Variants in C16orf96 observed in about 807,000 individuals in gnomAD.
C16orf96 encodes chromosome 16 open reading frame 96.
Under a neutral mutation model 103.6 loss-of-function variants are expected in C16orf96, and 108 were observed. The ratio of observed to expected loss-of-function variants is 1.04; its 90% CI spans 0.89 to 1.22. The LOEUF is 1.22. Among genes scored for constraint, C16orf96 ranks in the 50% most tolerant of loss-of-function variants. The pLI is 0.00. For synonymous variants in C16orf96, 566 were observed against 593.5 expected, an observed-to-expected ratio of 0.95 and a Z score of 0.67; for missense variants, 1,586 against 1,464.2, an observed-to-expected ratio of 1.08 and a Z score of -1.36.
chr16:4,557,762 C>T (rs984460576), intron 1 of C16orf96, among the ~76,000 whole-genome samples: 4 of 152,100 alleles, frequency 2.6e-5, no homozygotes, highest in Non-Finnish European at 5.9e-5. Context: ...CTCGACCTCC[C>T]AGACTCAAGC....
At position 4,600,543 on chromosome 16, in the gene C16orf96, C is replaced by G; in HGVS notation, c.*226C>G. ...CACGTCCGAGGCTGAGACCCATATGCCCCCCCCACCCCCACCAAGTCCCGT... is the reference window on the plus strand; with the variant it reads ...CACGTCCGAGGCTGAGACCCATATGGCCCCCCCACCCCCACCAAGTCCCGT... On this transcript the variant is annotated 3_prime_UTR_variant, in exon 16 of 16. Transcript: ENST00000444310. 2 of 444,286 alleles carry G rather than the reference C, an allele frequency of 4.5e-6. No individual in the cohort carries two copies. Among genetic ancestry groups the G allele is most frequent in the Admixed American group, 3.8e-5 (1 of 26,572 alleles). 27.5% of individuals were successfully genotyped at this position (444,286 alleles called of 1,614,324 possible).
the C16orf96 span, among the ~76,000 whole-genome samples, chr16:4,546,653 A>G: frequency 5.9e-5 from 9 of 151,870 alleles, no homozygotes; most frequent in Admixed American, 5.9e-4. Context: ...TTTTGTAGAG[A>G]CAGGGTCTCA....
chr16:4,541,019 T>C, the C16orf96 span, among the ~76,000 whole-genome samples: 2 of 151,040 alleles, frequency 1.3e-5, no homozygotes, highest in East Asian at 4.1e-4. Flanking sequence ...GTTCAAGCAA[T>C]TCTCCTGCCT....
intron 9 of C16orf96, among the ~76,000 whole-genome samples, chr16:4,589,856 G>C (rs1488468635): frequency 3.3e-5 from 5 of 152,204 alleles, no homozygotes; most frequent in African/African-American, 1.2e-4. Flanking sequence ...AGGCACGGTG[G>C]CTCACGCCTG....
At chr16:4,594,885 C>G in intron 14 of C16orf96, 82 bp downstream of exon 14, 2 of 1,409,668 alleles carry the variant, frequency 1.4e-6, no homozygotes, top group Non-Finnish European at 1.9e-6. Context: ...CAGGTGGGGC[C>G]CAGAGCCAGC....
chr16:4,594,878 G>A, intron 14 of C16orf96, 75 bp downstream of exon 14: 3 of 1,456,078 alleles, frequency 2.1e-6, no homozygotes, highest in African/African-American at 1.4e-5. Context: ...GAGGGTGCAG[G>A]TGGGGCCCAG....
chr16:4,598,468 C>A (rs1228032829), intron 14 of C16orf96, among the ~76,000 whole-genome samples: 2 of 152,134 alleles, frequency 1.3e-5, no homozygotes, highest in Admixed American at 6.6e-5. Context: ...AGAGTGACTG[C>A]TTAATGGGGA....
intron 1 of C16orf96, among the ~76,000 whole-genome samples, chr16:4,557,222 G>A (rs1284140856): frequency 4.6e-5 from 7 of 152,044 alleles, no homozygotes; most frequent in East Asian, 1.9e-4. Flanking sequence ...CACCTGCCTC[G>A]GCTTCCTAAA....
intron 9 of C16orf96, among the ~76,000 whole-genome samples, chr16:4,590,123 C>T (rs139329276): frequency 9.5e-4 from 140 of 147,284 alleles, no homozygotes; most frequent in Middle Eastern, 4.2e-3. Flanking sequence ...AAGACTCCGT[C>T]TCAAAAAAAT....
In C16orf96 at chr16:4,568,412, T is replaced by C. The variant is rs535502084; in HGVS notation, c.421-3149T>C. 2.6e-5 allele frequency among the ~76,000 whole-genome samples: 4 copies of C among 152,232 alleles called. No individual in the cohort carries two copies. In the East Asian group the frequency reaches 5.8e-4, roughly 22 times the overall value. ...ATATCTGTTATGTCTAGTTGGTTTA[T>C]ACTATTGTTCAAATCTTCTCTTTTC... On this transcript the variant is annotated intron_variant, in intron 1 of 15. Coordinates refer to ENST00000444310, the MANE Select transcript of C16orf96 (RefSeq NM_001145011.2).
the C16orf96 span, among the ~76,000 whole-genome samples, chr16:4,551,011 G>A: frequency 3.9e-5 from 6 of 152,172 alleles, no homozygotes; most frequent in Non-Finnish European, 8.8e-5. Context: ...GGTGGCTCAC[G>A]CCTATAATCC....
At position 4,576,989 on chromosome 16, in the gene C16orf96, C is replaced by A. The variant is rs140657587; in HGVS notation, c.2155+354C>A. Among the ~76,000 whole-genome samples the A allele has an allele frequency of 1.4e-4, 22 of 151,984 alleles. 1 individual carries two copies. The highest frequency in any genetic ancestry group is 4.8e-4 in the African/African-American group (20 of 41,474). On this transcript the variant is annotated intron_variant, in intron 5 of 15. Coordinates refer to ENST00000444310, the MANE Select transcript of C16orf96 (RefSeq NM_001145011.2). Reference sequence around the variant, plus strand: ...GGCGGATCACCTGAGACCGCAAGTTCAAGATGAGCCTGACCAACATGGAGA... The same window carrying A: ...GGCGGATCACCTGAGACCGCAAGTTAAAGATGAGCCTGACCAACATGGAGA...
intron 1 of C16orf96, among the ~76,000 whole-genome samples, chr16:4,570,462 GCT>G (rs1491505588): frequency 1.1e-4 from 12 of 104,858 alleles, no homozygotes; most frequent in South Asian, 1.1e-3. Flanking sequence ...CTCACAACAC[GCT>G]TTTTTTTTTT....
At chr16:4,586,129 G>A (rs1214048956) in intron 7 of C16orf96, among the ~76,000 whole-genome samples, 2 of 152,098 alleles carry the variant, frequency 1.3e-5, no homozygotes, top group Non-Finnish European at 2.9e-5. Flanking sequence ...GCGTGGTGTT[G>A]GGTGTCAGTG....
At chr16:4,565,882 G>T (rs1312052173) in intron 1 of C16orf96, among the ~76,000 whole-genome samples, 1 of 152,140 alleles carries the variant, frequency 6.6e-6, no homozygotes, top group African/African-American at 2.4e-5. Flanking sequence ...TTGCTCTGTT[G>T]CCCTGGCTGA....
In C16orf96 at chr16:4,593,276, A is replaced by G; in HGVS notation, c.2827A>G (p.Ser943Gly). 1 of 1,551,112 alleles carries G rather than the reference A, an allele frequency of 6.4e-7. No homozygotes were observed. The highest frequency in any genetic ancestry group is 8.7e-7 in the Non-Finnish European group (1 of 1,146,894). Residue 943 changes from serine (S) to glycine (G), a missense_variant, in exon 12 of 16, where the codon AGC (serine) becomes GGC (glycine). Transcript: ENST00000444310. This position sits in a 1 kb window ranked among gnomAD's most constrained non-coding sequence, Gnocchi z 4.2. ...CCTGCTGTCCCGGCTGCGGCCAGCC[A>G]GCGCCAACAGCTGCGAGTACTTGCA... is the stretch of plus-strand genomic sequence containing the variant. ...AHLLSRLRPA[S>G]ANSCEYLQRQ... is the part of the protein sequence containing the mutation.
intron 5 of C16orf96, among the ~76,000 whole-genome samples, chr16:4,577,050 G>A (rs138939138): frequency 7.2e-4 from 109 of 152,068 alleles, no homozygotes; most frequent in Admixed American, 1.2e-3. Flanking sequence ...AATTTGCTGG[G>A]CGTGGTGGTG....
intron 1 of C16orf96, chr16:4,561,449 G>C (rs993736023): frequency 2.6e-5 from 4 of 152,374 alleles, no homozygotes; most frequent in African/African-American, 9.6e-5. Flanking sequence ...CAAGTTATGA[G>C]GGCCTTGCAG....
the C16orf96 span, among the ~76,000 whole-genome samples, chr16:4,545,530 G>A: frequency 6.6e-6 from 1 of 152,112 alleles, no homozygotes; most frequent in Non-Finnish European, 1.5e-5. Context: ...AATTGATTTA[G>A]CCAGAATCGC....
Sources: gnomAD v4.1 joint callset for allele counts (sites outside exome capture counted in the v4.1 genomes callset) on GRCh38, gnomAD v4.1.1 for gene constraint, Gnocchi (gnomAD v3.1) non-coding constraint, MANE v1.5 for transcripts, NCBI Gene and HGNC (gene_info 2026-07-23, HGNC 2026-07-21) for gene names.